The following TLR6 variants were observed in gnomAD, a reference collection of about 807,000 sequenced individuals.
TLR6 encodes the protein toll-like receptor 6.
In TLR6, 9 loss-of-function variants were observed where a neutral mutation model predicts 16.1. The observed-to-expected ratio is 0.56, with a 90% CI of 0.34 to 0.98. TLR6 has a LOEUF of 0.98. Among genes scored for constraint, TLR6 ranks in the 50% least tolerant of loss-of-function variants. The pLI is 0.02. For synonymous variants in TLR6, 340 were observed against 338.6 expected, an observed-to-expected ratio of 1.00 and a Z score of -0.04; for missense variants, 786 against 921.0, an observed-to-expected ratio of 0.85 and a Z score of 1.90.
At chr4:38,850,196 A>T (rs1417816039) in intron 1 of TLR6, among the ~76,000 whole-genome samples, 1 of 152,240 alleles carries the variant, frequency 6.6e-6, no homozygotes, top group African/African-American at 2.4e-5. Context: ...ACAAAGACAC[A>T]ACATACCACA....
At chr4:38,838,752 C>A (rs1463781169) in intron 1 of TLR6, among the ~76,000 whole-genome samples, 1 of 152,062 alleles carries the variant, frequency 6.6e-6, no homozygotes, top group Non-Finnish European at 1.5e-5. Flanking sequence ...AATGCTCCCC[C>A]ACCCACACAC....
intron 1 of TLR6, among the ~76,000 whole-genome samples, chr4:38,854,772 A>G (rs1462707885): frequency 1.3e-5 from 2 of 152,204 alleles, no homozygotes; most frequent in East Asian, 3.8e-4. Flanking sequence ...AGAAGATATG[A>G]CTATAAGGAT....
At chr4:38,861,078 G>A (rs1186498614), upstream of TLR6, among the ~76,000 whole-genome samples, 1 of 151,940 alleles carries the variant, frequency 6.6e-6, no homozygotes, top group Non-Finnish European at 1.5e-5. Flanking sequence ...CAGAGCCTGG[G>A]AGGTGGTGCA....
At chr4:38,839,823 A>G (rs190896506) in intron 1 of TLR6, among the ~76,000 whole-genome samples, 2 of 152,286 alleles carry the variant, frequency 1.3e-5, no homozygotes, top group Admixed American at 1.3e-4. Flanking sequence ...TGAGCTTCTG[A>G]GTGTGGCCTA....
At chr4:38,838,872 G>A (rs1483061892) in intron 1 of TLR6, among the ~76,000 whole-genome samples, 1 of 146,756 alleles carries the variant, frequency 6.8e-6, no homozygotes, top group Admixed American at 6.8e-5. Flanking sequence ...ATTATTTTGT[G>A]GGGAAGGAAA....
chr4:38,823,035 C>T (rs1468916045), downstream of TLR6, among the ~76,000 whole-genome samples: 1 of 152,122 alleles, frequency 6.6e-6, no homozygotes, highest in Non-Finnish European at 1.5e-5. Context: ...AGGGAAACTC[C>T]CCCTTAAAGA....
intron 1 of TLR6, among the ~76,000 whole-genome samples, chr4:38,836,939 CAAAAAAA>C (rs61331167): frequency 1.1e-5 from 1 of 92,614 alleles, no homozygotes; most frequent in Non-Finnish European, 2.3e-5. Context: ...GACTCAGTCT[CAAAAAAA>C]AAAAAAAAGA....
intron 1 of TLR6, among the ~76,000 whole-genome samples, chr4:38,832,322 C>T (rs1262145569): frequency 1.3e-5 from 2 of 152,158 alleles, no homozygotes; most frequent in African/African-American, 2.4e-5. Flanking sequence ...GACAGTGCAC[C>T]TCTGAGGCAT....
intron 1 of TLR6, among the ~76,000 whole-genome samples, chr4:38,835,058 C>A (rs187555011): frequency 1.4e-4 from 22 of 152,206 alleles, no homozygotes; most frequent in Admixed American, 1.0e-3. Flanking sequence ...AAGAAAGGAA[C>A]AAAGGATATA....
At chr4:38,847,933 T>A (rs1712601131) in intron 1 of TLR6, among the ~76,000 whole-genome samples, 1 of 151,826 alleles carries the variant, frequency 6.6e-6, no homozygotes, top group African/African-American at 2.4e-5. Flanking sequence ...TTGAAGAGAG[T>A]AGTGGTTCTC....
chr4:38,842,396 A>G (rs1712314053), intron 1 of TLR6, among the ~76,000 whole-genome samples: 1 of 152,196 alleles, frequency 6.6e-6, no homozygotes, highest in South Asian at 2.1e-4. Flanking sequence ...CCATTCATGG[A>G]GCCAGTGAGA....
chr4:38,833,124 G>A (rs917046309), intron 1 of TLR6, among the ~76,000 whole-genome samples: 3 of 152,196 alleles, frequency 2.0e-5, no homozygotes, highest in African/African-American at 7.2e-5. Context: ...GGGCCAGAGG[G>A]TTGGTCCACT....
At chr4:38,867,993 A>G in the TLR6 span, 3 of 392,004 alleles carry the variant, frequency 7.7e-6, no homozygotes. Flanking sequence ...GTCAGGGAGG[A>G]CCCGGCTCTG....
At chr4:38,861,277 A>C (rs543821729), upstream of TLR6, among the ~76,000 whole-genome samples, 1 of 151,880 alleles carries the variant, frequency 6.6e-6, no homozygotes, top group East Asian at 1.9e-4. Context: ...TCTTCCATTC[A>C]CCTGGCCTCT....
At chr4:38,826,479 A>C (rs1727548111) in exon 2 of TLR6, 1 of 152,248 alleles carries the variant, frequency 6.6e-6, no homozygotes, top group African/African-American at 2.4e-5. Context: ...CTTTCACCTC[A>C]ACAGCTTATG....
the TLR6 span, among the ~76,000 whole-genome samples, chr4:38,865,506 G>A: frequency 1.4e-4 from 22 of 152,270 alleles, no homozygotes; most frequent in Non-Finnish European, 2.6e-4. Context: ...CATCTGATTG[G>A]GCTGTTACGG....
At chr4:38,850,020 A>G (rs1002427570) in intron 1 of TLR6, among the ~76,000 whole-genome samples, 11 of 152,252 alleles carry the variant, frequency 7.2e-5, no homozygotes, top group African/African-American at 2.4e-4. Flanking sequence ...AGAAATTATA[A>G]CAAACTGTCT....
chr4:38,854,793 T>C (rs902948202), intron 1 of TLR6, among the ~76,000 whole-genome samples: 3 of 152,144 alleles, frequency 2.0e-5, no homozygotes, highest in South Asian at 4.1e-4. Context: ...ACTCATGACA[T>C]AATGAAATAT....
At chr4:38,857,814 G>A (rs1713052218), upstream of TLR6, among the ~76,000 whole-genome samples, 1 of 152,210 alleles carries the variant, frequency 6.6e-6, no homozygotes, top group African/African-American at 2.4e-5. Flanking sequence ...CCTCAGGCCT[G>A]GGGAGGCTCA....
Sources: gnomAD v4.1 joint callset for allele counts (sites outside exome capture counted in the v4.1 genomes callset) on GRCh38, gnomAD v4.1.1 for gene constraint, MANE v1.5 for transcripts, NCBI Gene and HGNC (gene_info 2026-07-23, HGNC 2026-07-21) for gene names.